GALNT13: variants seen among roughly 807,000 people sequenced by gnomAD.
GALNT13 encodes the protein UDP-GalNAc:polypeptide N-acetylgalactosaminyltransferase 13.
A neutral mutation model predicts 64.2 loss-of-function variants in GALNT13; 28 were observed. The observed-to-expected ratio is 0.44, with a 90% CI of 0.32 to 0.60. The LOEUF is 0.60. Ranked by LOEUF, GALNT13 falls within the 20% of genes least tolerant of loss-of-function variation. The pLI, the probability that GALNT13 is intolerant of heterozygous loss-of-function variation, is 0.05. For missense variants in GALNT13, 577 were observed against 669.8 expected (o/e 0.86, Z 1.53); for synonymous variants, 214 against 224.6 (o/e 0.95, Z 0.42).
chr2:153,801,472 T>G, the GALNT13 span, among the ~76,000 whole-genome samples: 36,391 of 151,972 alleles, frequency 0.24, 4,715 homozygotes, highest in Non-Finnish European at 0.28. Context: ...ACTCAGAGAA[T>G]AGGGAGGCCT....
chr2:154,009,538 C>T (rs1331287333), intron 3 of GALNT13, among the ~76,000 whole-genome samples: 1 of 150,194 alleles, frequency 6.7e-6, no homozygotes, highest in Non-Finnish European at 1.5e-5. Flanking sequence ...ACTCTGTTGC[C>T]CAAGTGCAGT....
At chr2:154,069,001 T>A (rs1444655631) in intron 3 of GALNT13, among the ~76,000 whole-genome samples, 1 of 151,968 alleles carries the variant, frequency 6.6e-6, no homozygotes, top group Non-Finnish European at 1.5e-5. Context: ...TATATCAAAA[T>A]ATTTCATGTG....
At chr2:153,650,312 G>T in the GALNT13 span, among the ~76,000 whole-genome samples, 2 of 151,880 alleles carry the variant, frequency 1.3e-5, no homozygotes, top group South Asian at 2.1e-4. Flanking sequence ...TTTTCCATTT[G>T]CTTGGTAGAT....
chr2:153,305,843 A>G, the GALNT13 span, among the ~76,000 whole-genome samples: 2 of 152,202 alleles, frequency 1.3e-5, no homozygotes, highest in African/African-American at 4.8e-5. Flanking sequence ...AATGAAATAT[A>G]AAGTAGGGAC....
chr2:153,139,565 A>T, the GALNT13 span, among the ~76,000 whole-genome samples: 1 of 151,952 alleles, frequency 6.6e-6, no homozygotes, highest in Admixed American at 6.6e-5. Flanking sequence ...CACACCCTTG[A>T]GGGATAACTA....
the GALNT13 span, among the ~76,000 whole-genome samples, chr2:153,611,679 CTTTT>C: frequency 1.9e-5 from 2 of 104,398 alleles, no homozygotes; most frequent in South Asian, 3.9e-4. Flanking sequence ...ACATTTTTAC[CTTTT>C]TTTTTTTTTT....
At chr2:153,995,219 AC>A (rs760420586) in intron 3 of GALNT13, among the ~76,000 whole-genome samples, 2 of 152,108 alleles carry the variant, frequency 1.3e-5, no homozygotes, top group Non-Finnish European at 2.9e-5. Flanking sequence ...TTAATGTAAA[AC>A]CCACATATTG....
chr2:153,108,409 T>C, the GALNT13 span, among the ~76,000 whole-genome samples: 1 of 152,234 alleles, frequency 6.6e-6, no homozygotes, highest in South Asian at 2.1e-4. Flanking sequence ...TTTTAACTCT[T>C]TATCTGTCTT....
chr2:153,504,225 A>G, the GALNT13 span, among the ~76,000 whole-genome samples: 1 of 152,210 alleles, frequency 6.6e-6, no homozygotes, highest in Non-Finnish European at 1.5e-5. Flanking sequence ...ATTTCTGTGC[A>G]TTAATTTTGT....
intron 3 of GALNT13, among the ~76,000 whole-genome samples, chr2:154,035,169 A>G (rs183882937): frequency 6.6e-6 from 1 of 152,078 alleles, no homozygotes; most frequent in Non-Finnish European, 1.5e-5. Flanking sequence ...AAGTATATAT[A>G]CACACACACA....
intron 3 of GALNT13, among the ~76,000 whole-genome samples, chr2:154,035,606 A>G (rs138416603): frequency 4.6e-5 from 7 of 152,178 alleles, no homozygotes; most frequent in African/African-American, 9.6e-5. Context: ...CTTAAACAGT[A>G]TGTTAGATTA....
chr2:153,690,192 C>T, the GALNT13 span, among the ~76,000 whole-genome samples: 1 of 152,070 alleles, frequency 6.6e-6, no homozygotes, highest in Non-Finnish European at 1.5e-5. Flanking sequence ...CACATAGTTC[C>T]TGAATATATT....
intron 3 of GALNT13, among the ~76,000 whole-genome samples, chr2:154,055,579 A>C (rs536150579): frequency 6.6e-6 from 1 of 152,202 alleles, no homozygotes; most frequent in South Asian, 2.1e-4. Flanking sequence ...AAAGTATCCT[A>C]CAGCTATAAT....
At chr2:153,353,583 G>GTT in the GALNT13 span, among the ~76,000 whole-genome samples, 1 of 151,786 alleles carries the variant, frequency 6.6e-6, no homozygotes, top group South Asian at 2.1e-4. Flanking sequence ...TTAGCTGTAG[G>GTT]TTTTTTGTAG....
the GALNT13 span, among the ~76,000 whole-genome samples, chr2:153,321,953 A>G: frequency 6.8e-6 from 1 of 146,110 alleles, no homozygotes; most frequent in Admixed American, 6.8e-5. Context: ...GAGATGTTTA[A>G]CATATTTTGT....
At chr2:153,753,630 G>C in the GALNT13 span, among the ~76,000 whole-genome samples, 3 of 152,108 alleles carry the variant, frequency 2.0e-5, no homozygotes, top group Non-Finnish European at 2.9e-5. Context: ...TGACCCACCT[G>C]GGGGGTGGAA....
At chr2:153,529,749 CA>C in the GALNT13 span, among the ~76,000 whole-genome samples, 1 of 152,054 alleles carries the variant, frequency 6.6e-6, no homozygotes, top group African/African-American at 2.4e-5. Context: ...AATAGTTCAA[CA>C]TATGCAAATC....
rs377387960 is a variant in GALNT13, at chr2:154,313,647, G to A, written c.1156+12058G>A. Reference sequence around the variant, plus strand: ...TTTTTGTATTTTTAGTAGAGATGGAGTTTCACCATGTTGGCCAGGATGATG... The same window carrying A: ...TTTTTGTATTTTTAGTAGAGATGGAATTTCACCATGTTGGCCAGGATGATG... On this transcript the variant is annotated intron_variant, in intron 9 of 12. Transcript: ENST00000392825. Among the ~76,000 whole-genome samples the A allele has an allele frequency of 6.6e-5, 10 of 152,026 alleles. No individual in the cohort carries two copies. In the South Asian group the frequency reaches 2.1e-3, roughly 32 times the overall value.
chr2:153,554,282 C>T, the GALNT13 span, among the ~76,000 whole-genome samples: 1 of 151,724 alleles, frequency 6.6e-6, no homozygotes, highest in Non-Finnish European at 1.5e-5. Context: ...TGCAGTGAGC[C>T]GAGATCGTGC....
Sources: gnomAD v4.1 joint callset for allele counts (sites outside exome capture counted in the v4.1 genomes callset) on GRCh38, gnomAD v4.1.1 for gene constraint, MANE v1.5 for transcripts, NCBI Gene and HGNC (gene_info 2026-07-23, HGNC 2026-07-21) for gene names.